Variants in MVD observed in about 807,000 individuals in gnomAD.
The protein encoded by MVD is mevalonate diphosphate decarboxylase.
In MVD, 52 loss-of-function variants were observed where a neutral mutation model predicts 42.4. That is an observed-to-expected ratio of 1.23 (90% CI 0.98 to 1.55). The LOEUF (loss-of-function observed/expected upper bound fraction) is 1.55, where lower values mean the gene tolerates loss of function less well. MVD is among the 40% of genes most tolerant of loss of function. MVD has a pLI of 0.00. For synonymous variants in MVD, 287 were observed against 243.2 expected (o/e 1.18, Z -1.68); for missense variants, 663 against 572.1 (o/e 1.16, Z -1.62).
intron 4 of MVD, chr16:88,657,151 T>A (rs1419997163): frequency 9.5e-6 from 6 of 632,650 alleles, no homozygotes; most frequent in Non-Finnish European, 1.8e-5. Context: ...CTCACTATGT[T>A]GCCCAGGCTG....
rs574976155 is a variant in MVD at position 88,654,721 on chromosome 16, G to A, written c.984C>T (p.His328=). ...CTCCATTCGAGCCTGGGGGAAAGCCGTGCCACACAGCAGCCACAAACTCAG... is the reference window on the plus strand; with the variant it reads ...CTCCATTCGAGCCTGGGGGAAAGCCATGCCACACAGCAGCCACAAACTCAG... ...TVAEFVAAVW[H]GFPPGSNGDT... is the part of the protein sequence containing the mutation. Residue 328 remains histidine (H), a synonymous_variant, in exon 8 of 10, where the codon CAC becomes CAT. Transcript: ENST00000301012. The A allele has an allele frequency of 5.0e-6, 8 of 1,600,038 alleles. No individual in the cohort carries two copies. Among genetic ancestry groups the A allele is most frequent in the East Asian group, 4.6e-5 (2 of 43,888 alleles).
In MVD at chr16:88,656,155, G is replaced by C; in HGVS notation, c.553C>G (p.Gln185Glu). ...GGCCAGTGTGACTCGGGGGCCACTTGCCGAGCGATGCTGTCCTTCCCGTCG... is the reference window on the plus strand; with the variant it reads ...GGCCAGTGTGACTCGGGGGCCACTTCCCGAGCGATGCTGTCCTTCCCGTCG... ...QADGKDSIAR[Q>E]VAPESHWPEL... The change falls in exon 5 of 10, where the codon CAA becomes GAA. Residue 185 changes from glutamine to glutamate, a missense_variant. Gln to Glu is a conservative substitution (Grantham distance 29). Coordinates refer to ENST00000301012, the MANE Select transcript of MVD (RefSeq NM_002461.3). 1 of 1,602,116 alleles carries C rather than the reference G, an allele frequency of 6.2e-7. No homozygotes were observed. Among genetic ancestry groups the C allele is most frequent in the Non-Finnish European group, 8.5e-7 (1 of 1,179,900 alleles).
chr16:88,654,940 G>A lies in MVD; in HGVS notation c.898-133C>T, dbSNP rs1907810524. 3.1e-6 allele frequency: 3 copies of A among 956,476 alleles called. No homozygotes were observed. In the Admixed American group the frequency reaches 8.7e-5, roughly 28 times the overall value. The allele number at this position is 956,476 out of a possible 1,614,324, so 59.2% of individuals were successfully genotyped here. A position where few individuals can be genotyped will look rare whatever the true frequency, so the allele number is the denominator to read the frequency against. On this transcript the variant is annotated intron_variant, in intron 7 of 9. Coordinates refer to ENST00000301012, the MANE Select transcript of MVD (RefSeq NM_002461.3). The stretch of plus-strand genomic sequence containing the variant: ...GCCCTCAGGGCCACACTGGAGTGGA[G>A]CTGTGACCCCAAGTGCCTGGTACTT...
At position 88,657,966 on chromosome 16, in the gene MVD, C is replaced by G. The variant is rs778700499; in HGVS notation, c.205G>C (p.Gly69Arg). 1 of 1,613,996 alleles carries G rather than the reference C, an allele frequency of 6.2e-7. No homozygotes were observed. The highest frequency in any genetic ancestry group is 1.7e-5 in the Admixed American group (1 of 60,036). Residue 69 changes from glycine to arginine, a missense_variant, in exon 3 of 10, where the codon GGC (glycine) becomes CGC (arginine). Gly to Arg is a moderately radical substitution (Grantham distance 125, BLOSUM62 -2). Coordinates refer to ENST00000301012, the MANE Select transcript of MVD (RefSeq NM_002461.3). ...DFTEDRIWLN[G>R]REEDVGQPRL... Reference sequence around the variant, plus strand: ...GGCTGCCCCACATCCTCCTCCCGGCCATTCAGCCAAATCCGGTCCTCGGTG... The same window carrying G: ...GGCTGCCCCACATCCTCCTCCCGGCGATTCAGCCAAATCCGGTCCTCGGTG...
chr16:88,661,727 C>T (rs932138860), intron 1 of MVD, among the ~76,000 whole-genome samples: 4 of 151,672 alleles, frequency 2.6e-5, no homozygotes, highest in African/African-American at 7.3e-5. Flanking sequence ...TACCAGGACG[C>T]GGCTAAAATG....
chr16:88,659,980 A>C (rs568331275), intron 1 of MVD, among the ~76,000 whole-genome samples: 1 of 150,866 alleles, frequency 6.6e-6, no homozygotes, highest in South Asian at 2.1e-4. Flanking sequence ...CTTTCTCAAA[A>C]AAAAAAAAAA....
intron 1 of MVD, chr16:88,662,656 C>G (rs1908381146): frequency 1.6e-6 from 2 of 1,271,542 alleles, no homozygotes; most frequent in Non-Finnish European, 2.0e-6. Flanking sequence ...ATCCTCCCGC[C>G]TCAGCCTCCC....
chr16:88,653,444 C>T (rs771819181), intron 8 of MVD, 36 bp from the exon 9 acceptor site: 13 of 1,547,802 alleles, frequency 8.4e-6, no homozygotes, highest in Middle Eastern at 1.7e-4. Flanking sequence ...TGAATGCATC[C>T]GTTTCTCTAA....
Position 88,657,683 on chromosome 16 carries a change from C to T in MVD, c.257-101G>A, listed in dbSNP as rs534543442. ...GTCACAGCTGAACACCAGGCCTCTG[C>T]CTGCCAGACTCCTCGTGGAGAGTTT... On this transcript the variant is annotated intron_variant, in intron 3 of 9. Transcript: ENST00000301012. The T allele has an allele frequency of 1.6e-4, 242 of 1,501,384 alleles. 3 individuals are homozygous for T. In the South Asian group the frequency reaches 2.7e-3, roughly 17 times the overall value. 93.0% of individuals were successfully genotyped at this position (1,501,384 alleles called of 1,614,324 possible). A position where few individuals can be genotyped will look rare whatever the true frequency, so the allele number is the denominator to read the frequency against.
intron 1 of MVD, chr16:88,658,968 A>C: frequency 1.7e-4 from 75 of 445,314 alleles, no homozygotes; most frequent in East Asian, 4.5e-4. Flanking sequence ...CCATTCCTTC[A>C]TCGCTTCTAC....
intron 6 of MVD, 97 bp from the exon 7 acceptor site, chr16:88,655,514 C>A: frequency 6.6e-7 from 1 of 1,506,594 alleles, no homozygotes; most frequent in Non-Finnish European, 8.9e-7. Context: ...GCTCGAGCCC[C>A]ATCTCTGCAT....
At chr16:88,659,573 C>G (rs986445906) in intron 1 of MVD, among the ~76,000 whole-genome samples, 10 of 152,172 alleles carry the variant, frequency 6.6e-5, no homozygotes, top group Non-Finnish European at 1.2e-4. Flanking sequence ...CCGGGGCTTT[C>G]TTTTCTGCTT....
chr16:88,657,131 G>GGGA lies in MVD; in HGVS notation c.403+304_403+305insTCC. On this transcript the variant is annotated intron_variant, in intron 4 of 9. Transcript: ENST00000301012. The stretch of plus-strand genomic sequence containing the variant: ...AGATTTTTTTATTTTTTGTAGAGAT[G>GGGA]GGGGGGGGTCTCACTATGTTGCCCA... 3 of 341,208 alleles carry GGGA rather than the reference G, an allele frequency of 8.8e-6. No homozygotes were observed. In the African/African-American group the frequency reaches 2.7e-4, roughly 31 times the overall value. The allele number at this position is 341,208 out of a possible 1,614,324, so 21.1% of individuals were successfully genotyped here. A position where few individuals can be genotyped will look rare whatever the true frequency, so the allele number is the denominator to read the frequency against.
chr16:88,662,879 G>T, intron 1 of MVD, 132 bp downstream of exon 1: 1 of 1,471,014 alleles, frequency 6.8e-7, no homozygotes, highest in Non-Finnish European at 9.0e-7. Flanking sequence ...GCCCCTCCCT[G>T]AGCCTCAGTT....
In MVD at chr16:88,655,123, G is replaced by C. The variant is rs888958451; in HGVS notation, c.897+76C>G. The stretch of plus-strand genomic sequence containing the variant: ...GATTGCCCTGCACGCGAGCCCCGGG[G>C]CCGTCTCCACGGCAGCACAAGCCTA... On this transcript the variant is annotated intron_variant, in intron 7 of 9. Transcript: ENST00000301012. 10 of 1,490,478 alleles carry C rather than the reference G, an allele frequency of 6.7e-6. No homozygotes were observed. The African/African-American group carries it at 1.1e-4, about 17-fold the overall frequency. 92.3% of individuals were successfully genotyped at this position (1,490,478 alleles called of 1,614,324 possible).
chr16:88,652,508 G>C lies in MVD; in HGVS notation c.*17C>G. ...GCCACCCCTTCTCCAAGCGGCATGC[G>C]GTCCCTGCTGAGGCAGTCAGGCAGC... On this transcript the variant is annotated 3_prime_UTR_variant, in exon 10 of 10. Transcript: ENST00000301012. 1 of 1,559,608 alleles carries C rather than the reference G, an allele frequency of 6.4e-7. No individual in the cohort carries two copies. The highest frequency in any genetic ancestry group is 8.7e-7 in the Non-Finnish European group (1 of 1,151,804).
intron 4 of MVD, chr16:88,656,678 G>C (rs1224107819): frequency 5.9e-5 from 19 of 323,154 alleles, no homozygotes; most frequent in Non-Finnish European, 6.6e-5. Context: ...ACCGATGCCA[G>C]GACAGAGCTG....
At chr16:88,659,925 C>G (rs1908183926) in intron 1 of MVD, among the ~76,000 whole-genome samples, 1 of 151,334 alleles carries the variant, frequency 6.6e-6, no homozygotes, top group African/African-American at 2.4e-5. Flanking sequence ...CGAGATGGCA[C>G]CACTGCACTC....
chr16:88,658,961 T>G, intron 1 of MVD: 123 of 449,278 alleles, frequency 2.7e-4, no homozygotes, highest in Middle Eastern at 6.6e-4. Context: ...CCGCTCCCCA[T>G]TCCTTCATCG....
Sources: allele counts gnomAD v4.1 joint callset (sites outside exome capture counted in the v4.1 genomes callset), GRCh38; gene constraint gnomAD v4.1.1; transcripts MANE v1.5; gene names NCBI Gene and HGNC (gene_info 2026-07-23, HGNC 2026-07-21).